Variants in UBAC2 observed in about 807,000 individuals in gnomAD.
UBAC2 encodes the protein ubiquitin-associated domain-containing protein 2.
UBAC2 carries 26 observed loss-of-function variants against 44.0 expected under a neutral mutation model. That is an observed-to-expected ratio of 0.59 (90% CI 0.43 to 0.82). The LOEUF (loss-of-function observed/expected upper bound fraction) is 0.82, where lower values mean the gene tolerates loss of function less well. Among genes scored for constraint, UBAC2 ranks in the 40% least tolerant of loss-of-function variants. The pLI is 0.00. For missense variants in UBAC2, 329 were observed against 419.4 expected, an observed-to-expected ratio of 0.78 and a Z score of 1.88; for synonymous variants, 155 against 154.3, an observed-to-expected ratio of 1.00 and a Z score of -0.04.
chr13:99,263,493 C>T lies in UBAC2; in HGVS notation c.389+18869C>T, dbSNP rs181080382. Among the ~76,000 whole-genome samples the T allele has an allele frequency of 8.4e-4, 128 of 152,262 alleles. 1 individual carries two copies. The highest frequency in any genetic ancestry group is 2.9e-3 in the African/African-American group (122 of 41,546). On this transcript the variant is annotated intron_variant, in intron 4 of 8. Coordinates refer to ENST00000403766, the MANE Select transcript of UBAC2 (RefSeq NM_001144072.2). ...GCCAGAATGCCTACGATGAAAAAGA[C>T]GGACAGTGCAAAGTGCTGGCAAGGA... is the stretch of plus-strand genomic sequence containing the variant.
At chr13:99,214,947 G>T (rs1038744260) in intron 1 of UBAC2, among the ~76,000 whole-genome samples, 2 of 151,850 alleles carry the variant, frequency 1.3e-5, no homozygotes, top group South Asian at 2.1e-4. Context: ...CATTGAAATA[G>T]AAGTCAGGTC....
At chr13:99,341,632 G>A (rs2044890489) in intron 7 of UBAC2, among the ~76,000 whole-genome samples, 1 of 152,112 alleles carries the variant, frequency 6.6e-6, no homozygotes, top group African/African-American at 2.4e-5. Flanking sequence ...ACCTCTGTAG[G>A]GATGAGAGCT....
chr13:99,245,254 GAACTA>G (rs1421502070), intron 4 of UBAC2, among the ~76,000 whole-genome samples: 4 of 152,224 alleles, frequency 2.6e-5, no homozygotes, highest in Non-Finnish European at 4.4e-5. Flanking sequence ...GTAATTTTAT[GAACTA>G]AACACAAAAA....
rs1273949101 is a variant in UBAC2, at chr13:99,385,867, ACT to A, written c.*535_*536del. 1 of 156,358 alleles carries A rather than the reference ACT, an allele frequency of 6.4e-6. No individual in the cohort carries two copies. The highest frequency in any genetic ancestry group is 2.4e-5 in the African/African-American group (1 of 41,424). 9.7% of individuals were successfully genotyped at this position (156,358 alleles called of 1,614,324 possible). ...CCCCCAAGCTGTTCCAGGCCAGAGG[ACT>A]CTGCAGTACCTTCTCCTACATCTAG... On this transcript the variant is annotated 3_prime_UTR_variant, in exon 9 of 9. Coordinates refer to ENST00000403766, the MANE Select transcript of UBAC2 (RefSeq NM_001144072.2).
Position 99,253,288 on chromosome 13 carries a change from G to A in UBAC2, c.389+8664G>A, listed in dbSNP as rs543598547. ...GTTTGCTTTTTATTATTGAAAAATT[G>A]GTGTTTGACATGAAAGAACTGACCT... is the stretch of plus-strand genomic sequence containing the variant. On this transcript the variant is annotated intron_variant, in intron 4 of 8. Coordinates refer to ENST00000403766, the MANE Select transcript of UBAC2 (RefSeq NM_001144072.2). Among the ~76,000 whole-genome samples the A allele has an allele frequency of 3.8e-3, 574 of 152,012 alleles. 6 individuals carry two copies. Among genetic ancestry groups the A allele is most frequent in the South Asian group, 0.011 (52 of 4,824 alleles).
chr13:99,288,229 A>G (rs2044045333), intron 4 of UBAC2, among the ~76,000 whole-genome samples: 1 of 152,198 alleles, frequency 6.6e-6, no homozygotes, highest in Non-Finnish European at 1.5e-5. Flanking sequence ...ATGTTTTAAC[A>G]CTCTGAGAAA....
intron 1 of UBAC2, among the ~76,000 whole-genome samples, chr13:99,220,478 T>C (rs1369255329): frequency 6.6e-6 from 1 of 152,240 alleles, no homozygotes; most frequent in Non-Finnish European, 1.5e-5. Flanking sequence ...CTGATTAGTA[T>C]TTATTGCCTC....
At chr13:99,252,787 A>C (rs1435892782) in intron 4 of UBAC2, among the ~76,000 whole-genome samples, 1 of 152,168 alleles carries the variant, frequency 6.6e-6, no homozygotes, top group East Asian at 1.9e-4. Flanking sequence ...TCTACAATTA[A>C]ATTATAATTT....
rs1457209864 is a variant in UBAC2, at chr13:99,355,722, C to T, written c.808-12065C>T. 4.6e-5 allele frequency among the ~76,000 whole-genome samples: 7 copies of T among 152,258 alleles called. No homozygotes were observed. The East Asian group carries it at 1.3e-3, about 29-fold the overall frequency. On this transcript the variant is annotated intron_variant, in intron 7 of 8. Coordinates refer to ENST00000403766, the MANE Select transcript of UBAC2 (RefSeq NM_001144072.2). Reference sequence around the variant, plus strand: ...TCACGTTTTCAAAACAAACGAGAGCCAGGACGCAGGCCTGTGGCTCAGCCC... The same window carrying T: ...TCACGTTTTCAAAACAAACGAGAGCTAGGACGCAGGCCTGTGGCTCAGCCC...
At chr13:99,227,091 G>A (rs1051981699) in intron 1 of UBAC2, among the ~76,000 whole-genome samples, 2 of 151,970 alleles carry the variant, frequency 1.3e-5, no homozygotes, top group African/African-American at 4.8e-5. Flanking sequence ...CCAGCTACTC[G>A]GGAGGCTGAG....
intron 5 of UBAC2, among the ~76,000 whole-genome samples, chr13:99,316,907 G>A (rs910100685): frequency 5.9e-5 from 9 of 152,196 alleles, no homozygotes; most frequent in Non-Finnish European, 7.3e-5. Context: ...CACATAGAAA[G>A]TGTTAGCTAG....
intron 1 of UBAC2, among the ~76,000 whole-genome samples, chr13:99,206,615 G>A (rs1286922852): frequency 1.3e-5 from 2 of 152,114 alleles, no homozygotes; most frequent in Non-Finnish European, 2.9e-5. Context: ...CCAGACTCTC[G>A]GAGACCTGGC....
intron 4 of UBAC2, among the ~76,000 whole-genome samples, chr13:99,281,055 G>A (rs1277601987): frequency 2.0e-5 from 3 of 151,868 alleles, no homozygotes; most frequent in South Asian, 2.1e-4. Flanking sequence ...GTGTGTTGGC[G>A]GGCACCTGTA....
intron 8 of UBAC2, among the ~76,000 whole-genome samples, chr13:99,369,654 G>A (rs1307705295): frequency 1.3e-5 from 2 of 152,184 alleles, no homozygotes; most frequent in Non-Finnish European, 2.9e-5. Flanking sequence ...CGTAGGTTGA[G>A]GAGCGCTTGT....
At chr13:99,319,356 G>A (rs1197989099) in intron 6 of UBAC2, among the ~76,000 whole-genome samples, 1 of 152,092 alleles carries the variant, frequency 6.6e-6, no homozygotes. Context: ...ATGACAGAAT[G>A]GATTCATAAT....
intron 4 of UBAC2, among the ~76,000 whole-genome samples, chr13:99,310,945 C>G (rs559017916): frequency 5.9e-5 from 9 of 152,258 alleles, no homozygotes; most frequent in African/African-American, 1.9e-4. Context: ...TCTATAATCA[C>G]CAAGAGAGCA....
chr13:99,255,056 A>G, intron 4 of UBAC2: 1 of 1,614,124 alleles, frequency 6.2e-7, no homozygotes, highest in Non-Finnish European at 8.5e-7. Context: ...TTCATGAGGA[A>G]GGTGGTAAAG....
intron 4 of UBAC2, among the ~76,000 whole-genome samples, chr13:99,247,596 G>T (rs1210909656): frequency 6.6e-6 from 1 of 152,068 alleles, no homozygotes; most frequent in African/African-American, 2.4e-5. Flanking sequence ...TGGGTAAGGG[G>T]CAAGGGGAGG....
At chr13:99,285,103 T>A (rs2044001242) in intron 4 of UBAC2, among the ~76,000 whole-genome samples, 1 of 151,528 alleles carries the variant, frequency 6.6e-6, no homozygotes, top group Non-Finnish European at 1.5e-5. Flanking sequence ...ATTTCTTATA[T>A]AACCATAATG....
Sources: allele counts gnomAD v4.1 joint callset (sites outside exome capture counted in the v4.1 genomes callset), GRCh38; gene constraint gnomAD v4.1.1; transcripts MANE v1.5; gene names NCBI Gene and HGNC (gene_info 2026-07-23, HGNC 2026-07-21).